GIPC2: variants seen among roughly 807,000 people sequenced by gnomAD.
GIPC2 encodes GIPC PDZ domain containing family member 2.
Under a neutral mutation model 30.6 loss-of-function variants are expected in GIPC2, and 30 were observed. The ratio of observed to expected loss-of-function variants is 0.98; its 90% confidence interval spans 0.73 to 1.33. The LOEUF (loss-of-function observed/expected upper bound fraction) is 1.33. Among genes scored for constraint, GIPC2 ranks in the 40% most tolerant of loss-of-function variants. The pLI is 0.00. For synonymous variants in GIPC2, 167 were observed against 150.0 expected (o/e 1.11, Z -0.83); for missense variants, 414 against 390.3 (o/e 1.06, Z -0.51).
chr1:78,067,561 C>T (rs1423483173), intron 1 of GIPC2, among the ~76,000 whole-genome samples: 1 of 152,044 alleles, frequency 6.6e-6, no homozygotes, highest in Non-Finnish European at 1.5e-5. Flanking sequence ...AAGCGATTCT[C>T]CCACCTCAGC....
At chr1:78,108,287 T>A (rs1243436246) in intron 3 of GIPC2, among the ~76,000 whole-genome samples, 10 of 152,172 alleles carry the variant, frequency 6.6e-5, no homozygotes, top group Non-Finnish European at 1.5e-4. Context: ...GGTATGAACT[T>A]TTTCCCCAGA....
intron 3 of GIPC2, among the ~76,000 whole-genome samples, chr1:78,106,596 T>C (rs1662358386): frequency 1.3e-5 from 2 of 152,116 alleles, no homozygotes; most frequent in East Asian, 3.9e-4. Flanking sequence ...AAAAACAGAT[T>C]ACAACACAAC....
chr1:78,135,176 G>C (rs1053090589), intron 5 of GIPC2, among the ~76,000 whole-genome samples: 3 of 152,192 alleles, frequency 2.0e-5, no homozygotes, highest in African/African-American at 7.2e-5. Flanking sequence ...AGTTGGCAGT[G>C]GGGGACTGGT....
At chr1:78,067,425 A>G (rs1338798358) in intron 1 of GIPC2, among the ~76,000 whole-genome samples, 1 of 152,036 alleles carries the variant, frequency 6.6e-6, no homozygotes, top group Non-Finnish European at 1.5e-5. Flanking sequence ...GATGACACTT[A>G]TTTTTGCAAA....
intron 1 of GIPC2, among the ~76,000 whole-genome samples, chr1:78,068,315 A>G (rs889594587): frequency 2.6e-5 from 4 of 152,212 alleles, no homozygotes; most frequent in East Asian, 1.9e-4. Flanking sequence ...CTTGGTCATT[A>G]TGCTCAAGTT....
intron 4 of GIPC2, 97 bp downstream of exon 4, chr1:78,119,596 T>C: frequency 1.4e-6 from 1 of 714,636 alleles, no homozygotes; most frequent in Non-Finnish European, 2.5e-6. Flanking sequence ...TAATTCACTG[T>C]CTATTTAAAC....
intron 1 of GIPC2, among the ~76,000 whole-genome samples, chr1:78,080,043 T>G (rs1263378427): frequency 6.6e-6 from 1 of 152,154 alleles, no homozygotes; most frequent in African/African-American, 2.4e-5. Flanking sequence ...AAGTCCATTT[T>G]AGTTCTAAAA....
chr1:78,052,532 AT>A (rs1196620101), intron 1 of GIPC2, among the ~76,000 whole-genome samples: 2 of 152,054 alleles, frequency 1.3e-5, no homozygotes, highest in Non-Finnish European at 2.9e-5. Context: ...GTAGGTGTTA[AT>A]TTTTTTTATG....
At chr1:78,090,300 T>C (rs1468535043) in intron 2 of GIPC2, among the ~76,000 whole-genome samples, 2 of 152,214 alleles carry the variant, frequency 1.3e-5, no homozygotes, top group Non-Finnish European at 2.9e-5. Flanking sequence ...GTTCAAGCGA[T>C]TCTCCTGCCT....
At chr1:78,062,871 G>T (rs1198965361) in intron 1 of GIPC2, among the ~76,000 whole-genome samples, 2 of 152,030 alleles carry the variant, frequency 1.3e-5, no homozygotes, top group African/African-American at 4.8e-5. Context: ...GGTAATTCTT[G>T]CTAGAACCAC....
At chr1:78,096,168 G>A (rs1414303753) in intron 3 of GIPC2, among the ~76,000 whole-genome samples, 1 of 152,144 alleles carries the variant, frequency 6.6e-6, no homozygotes, top group African/African-American at 2.4e-5. Flanking sequence ...ACCTCCTGGA[G>A]GGAGCACTCT....
intron 3 of GIPC2, among the ~76,000 whole-genome samples, chr1:78,106,710 C>T (rs776216561): frequency 7.2e-5 from 11 of 152,136 alleles, no homozygotes; most frequent in African/African-American, 1.7e-4. Context: ...GACAGAGTTT[C>T]GTTCTTGTTG....
intron 2 of GIPC2, among the ~76,000 whole-genome samples, chr1:78,087,252 A>C (rs978225106): frequency 3.9e-5 from 6 of 152,242 alleles, no homozygotes; most frequent in Non-Finnish European, 7.3e-5. Flanking sequence ...TTTAAAATTC[A>C]TATGGAACAA....
Position 78,135,676 on chromosome 1 carries a change from C to CTCCCAA in GIPC2, c.881_882insTCCCAA (p.Ala294_Phe295insProLys). The CTCCCAA allele has an allele frequency of 6.2e-7, 1 of 1,612,510 alleles. No individual in the cohort carries two copies. ...CTTGACGAAACTCTTGGAGACTTTG[C>CTCCCAA]GTTCCCAGACGAATTTGTCTTTGAT... is the stretch of plus-strand genomic sequence containing the variant. On this transcript the variant is annotated inframe_insertion, in exon 6 of 6. Coordinates refer to ENST00000370759, the MANE Select transcript of GIPC2 (RefSeq NM_017655.6).
chr1:78,092,249 T>C (rs1662056759), intron 2 of GIPC2, among the ~76,000 whole-genome samples: 1 of 152,214 alleles, frequency 6.6e-6, no homozygotes, highest in African/African-American at 2.4e-5. Flanking sequence ...AGACTTCTGC[T>C]GACATCTGTG....
chr1:78,082,542 A>G (rs985619775), intron 2 of GIPC2, among the ~76,000 whole-genome samples: 1 of 152,218 alleles, frequency 6.6e-6, no homozygotes, highest in Non-Finnish European at 1.5e-5. Flanking sequence ...CATGAGGCAC[A>G]GGCAGCAGAG....
intron 3 of GIPC2, among the ~76,000 whole-genome samples, chr1:78,108,254 AAC>A (rs1315564183): frequency 1.3e-5 from 2 of 152,146 alleles, no homozygotes; most frequent in African/African-American, 4.8e-5. Flanking sequence ...CTTTTTTTGT[AAC>A]ACAGTCTCCT....
intron 4 of GIPC2, among the ~76,000 whole-genome samples, chr1:78,125,094 A>G (rs937255920): frequency 2.0e-5 from 3 of 152,132 alleles, no homozygotes; most frequent in Non-Finnish European, 2.9e-5. Flanking sequence ...GCAGTGGCAG[A>G]ATTATGGCTC....
rs187397446 is a variant in GIPC2, at chr1:78,063,015, G to T, written c.240+16681G>T. On this transcript the variant is annotated intron_variant, in intron 1 of 5. Transcript: ENST00000370759. ...TCAAAGTCTGTATTCTTTCCTTTAC[G>T]TAAGTGATTCTTAACCTTAGCAGAC... Among the ~76,000 whole-genome samples, 282 of 152,228 alleles carry T rather than the reference G, an allele frequency of 1.9e-3. 1 individual carries two copies. The highest frequency in any genetic ancestry group is 6.1e-3 in the African/African-American group (252 of 41,540).
Sources: allele counts gnomAD v4.1 joint callset (sites outside exome capture counted in the v4.1 genomes callset), GRCh38; gene constraint gnomAD v4.1.1; transcripts MANE v1.5; gene names NCBI Gene and HGNC (gene_info 2026-07-23, HGNC 2026-07-21).